The following SLK variants were observed in gnomAD, a reference collection of about 807,000 sequenced individuals.
SLK encodes STE20-like serine/threonine-protein kinase.
SLK carries 67 observed loss-of-function variants against 147.7 expected under a neutral mutation model. That is an observed-to-expected ratio of 0.45 (90% CI 0.37 to 0.56). The LOEUF is 0.56. Among genes scored for constraint, SLK ranks in the 20% least tolerant of loss-of-function variants. The probability of loss-of-function intolerance (pLI) is 0.00; values close to 1 mark genes in which losing one functional copy is unlikely to be tolerated. For missense variants in SLK, 1,136 were observed against 1,438.8 expected, an observed-to-expected ratio of 0.79 and a Z score of 3.41; for synonymous variants, 441 against 475.0, an observed-to-expected ratio of 0.93 and a Z score of 0.93.
intron 11 of SLK, 58 bp from the exon 12 acceptor site, chr10:104,008,119 A>C (rs756492397): frequency 6.2e-6 from 8 of 1,287,288 alleles, no homozygotes; most frequent in Non-Finnish European, 8.8e-6. Context: ...CATCTTTACT[A>C]TAAGGTATTA....
In SLK at chr10:104,002,651, T is replaced by G; in HGVS notation, c.1473T>G (p.Ile491Met). Residue 491 changes from isoleucine (I) to methionine (M), a missense_variant, in exon 9 of 19, where the codon ATT becomes ATG. Coordinates refer to ENST00000369755, the MANE Select transcript of SLK (RefSeq NM_014720.4). ...ATAAGCTTATAAAATCTGAAGAAAT[T>G]AAAGATACTATTTTGCAAACAGTAG... Reference protein sequence around the residue: ...FENKLIKSEEIKDTILQTVDL... With the variant: ...FENKLIKSEEMKDTILQTVDL... 6.2e-7 allele frequency: 1 copy of G among 1,608,908 alleles called. No individual in the cohort carries two copies. Among genetic ancestry groups the G allele is most frequent in the Non-Finnish European group, 8.5e-7 (1 of 1,178,288 alleles).
intron 1 of SLK, among the ~76,000 whole-genome samples, chr10:103,968,295 G>C (rs1843745628): frequency 6.6e-6 from 1 of 152,172 alleles, no homozygotes; most frequent in Non-Finnish European, 1.5e-5. Flanking sequence ...CAACAGTTCT[G>C]TTTTTAGGGT....
At chr10:104,019,454 T>G (rs1844506135) in intron 15 of SLK, among the ~76,000 whole-genome samples, 1 of 152,052 alleles carries the variant, frequency 6.6e-6, no homozygotes. Context: ...ATTTTGTGTG[T>G]GGAGACAGGG....
At chr10:104,010,739 T>C (rs1022370804) in intron 12 of SLK, 77 bp from the exon 13 acceptor site, 10 of 864,628 alleles carry the variant, frequency 1.2e-5, no homozygotes, top group African/African-American at 6.9e-5. Context: ...ATTTGACTTG[T>C]AGCTTATCTG....
intron 1 of SLK, among the ~76,000 whole-genome samples, chr10:103,985,127 A>G (rs1209353440): frequency 3.3e-5 from 5 of 152,126 alleles, no homozygotes; most frequent in South Asian, 4.1e-4. Context: ...TTTTATTATT[A>G]TTGTTGTTAG....
chr10:104,027,553 T>C lies in SLK; in HGVS notation c.*1833T>C, dbSNP rs1421946297. 6.6e-6 allele frequency: 1 copy of C among 152,608 alleles called. No homozygotes were observed. The highest frequency in any genetic ancestry group is 2.4e-5 in the African/African-American group (1 of 41,428). The allele number at this position is 152,608 out of a possible 1,614,324, so 9.5% of individuals were successfully genotyped here. On this transcript the variant is annotated 3_prime_UTR_variant, in exon 19 of 19. Coordinates refer to ENST00000369755, the MANE Select transcript of SLK (RefSeq NM_014720.4). The stretch of plus-strand genomic sequence containing the variant: ...TCAGGATGATGATAAAAATTGTTTA[T>C]ATTGTTATGATAAAAATGACAGTAT...
Position 104,028,874 on chromosome 10 carries a change from C to G in SLK, c.*3154C>G, listed in dbSNP as rs1431296507. Reference sequence around the variant, plus strand: ...AGAAGAGAGTTCCAGTTCTAATAGTCTTTTGATTAACAATTCTTTTCTGAG... The same window carrying G: ...AGAAGAGAGTTCCAGTTCTAATAGTGTTTTGATTAACAATTCTTTTCTGAG... On this transcript the variant is annotated 3_prime_UTR_variant, in exon 19 of 19. Transcript: ENST00000369755. 6.6e-6 allele frequency: 1 copy of G among 152,158 alleles called. No individual in the cohort carries two copies. Among genetic ancestry groups the G allele is most frequent in the Non-Finnish European group, 1.5e-5 (1 of 68,034 alleles). 9.4% of individuals were successfully genotyped at this position (152,158 alleles called of 1,614,324 possible).
chr10:103,982,035 A>T (rs757606804), intron 1 of SLK, among the ~76,000 whole-genome samples: 1 of 152,064 alleles, frequency 6.6e-6, no homozygotes, highest in Non-Finnish European at 1.5e-5. Flanking sequence ...CAAGTCTTTC[A>T]TCTCCTTGGT....
At chr10:103,976,080 T>A (rs1378348360) in intron 1 of SLK, among the ~76,000 whole-genome samples, 2 of 152,196 alleles carry the variant, frequency 1.3e-5, no homozygotes, top group African/African-American at 4.8e-5. Context: ...TTTTTATATT[T>A]TTTGTAGAGA....
In SLK at chr10:104,003,537, C is replaced by A. The variant is rs1318183119; in HGVS notation, c.2349+10C>A. ...ATCGATATCTTTACAAGTAAGTGTA[C>A]ATGAGTCATTGTTTGGGTTTTCCTT... On this transcript the variant is annotated intron_variant, in intron 9 of 18. Coordinates refer to ENST00000369755, the MANE Select transcript of SLK (RefSeq NM_014720.4). 2 of 1,526,894 alleles carry A rather than the reference C, an allele frequency of 1.3e-6. No homozygotes were observed. Among genetic ancestry groups the A allele is most frequent in the Non-Finnish European group, 1.8e-6 (2 of 1,139,804 alleles). The allele number at this position is 1,526,894 out of a possible 1,614,324, so 94.6% of individuals were successfully genotyped here.
rs577233143 is a variant in SLK at position 104,027,946 on chromosome 10, G to A, written c.*2226G>A. On this transcript the variant is annotated 3_prime_UTR_variant, in exon 19 of 19. Transcript: ENST00000369755. ...TTCGCTTTCAAATATGACCATAATC[G>A]TGTGGGTGCAAGACTGTACAGTGAT... is the stretch of plus-strand genomic sequence containing the variant. 7 of 152,212 alleles carry A rather than the reference G, an allele frequency of 4.6e-5. No homozygotes were observed. Among genetic ancestry groups the A allele is most frequent in the African/African-American group, 1.4e-4 (6 of 41,508 alleles). 9.4% of individuals were successfully genotyped at this position (152,212 alleles called of 1,614,324 possible).
At chr10:104,010,750 C>T in intron 12 of SLK, 66 bp from the exon 13 acceptor site, 1 of 995,708 alleles carries the variant, frequency 1.0e-6, no homozygotes, top group Non-Finnish European at 1.4e-6. Flanking sequence ...AGCTTATCTG[C>T]TCTCATAAAT....
At chr10:104,013,986 A>G (rs746399265) in intron 13 of SLK, among the ~76,000 whole-genome samples, 6 of 152,198 alleles carry the variant, frequency 3.9e-5, no homozygotes, top group African/African-American at 7.2e-5. Flanking sequence ...CTCAAGTCAC[A>G]TAAGAGATTA....
chr10:103,997,348 A>G (rs953223671), intron 4 of SLK, among the ~76,000 whole-genome samples: 37 of 152,110 alleles, frequency 2.4e-4, no homozygotes, highest in African/African-American at 8.9e-4. Context: ...GGTTGCTTTC[A>G]CTTTTTGGCT....
rs1385863529 is a variant in SLK at position 103,967,783 on chromosome 10, G to C, written c.38G>C (p.Gly13Ala). Residue 13 changes from glycine (G) to alanine (A), a missense_variant, in exon 1 of 19, where the codon GGG (glycine) becomes GCG (alanine). Gly to Ala is a moderately conservative substitution (Grantham distance 60, BLOSUM62 0). Around this residue, in one of 6 missense-constraint regions of SLK, gnomAD observed 126 missense variants for 141.3 expected, o/e 0.89. Coordinates refer to ENST00000369755, the MANE Select transcript of SLK (RefSeq NM_014720.4). Reference sequence around the variant, plus strand: ...AATTTCCGTAAGATCTTCAAGTTGGGGAGCGAGAAGAAGAAGAAGCAGTAC... The same window carrying C: ...AATTTCCGTAAGATCTTCAAGTTGGCGAGCGAGAAGAAGAAGAAGCAGTAC... ...FFNFRKIFKL[G>A]SEKKKKQYEH... 2 of 1,613,978 alleles carry C rather than the reference G, an allele frequency of 1.2e-6. No homozygotes were observed. Among genetic ancestry groups the C allele is most frequent in the Non-Finnish European group, 8.5e-7 (1 of 1,179,954 alleles).
chr10:104,027,105 T>TA lies in SLK; in HGVS notation c.*1385_*1386insA, dbSNP rs1844608591. On this transcript the variant is annotated 3_prime_UTR_variant, in exon 19 of 19. Transcript: ENST00000369755. ...GGTACCAAATTGTGAAAGTTTGTTT[T>TA]CAGTTATATTACTTTTGAGGCTGGT... 6.6e-6 allele frequency: 1 copy of TA among 152,310 alleles called. No homozygotes were observed. The highest frequency in any genetic ancestry group is 2.4e-5 in the African/African-American group (1 of 41,474). 9.4% of individuals were successfully genotyped at this position (152,310 alleles called of 1,614,324 possible). A position where few individuals can be genotyped will look rare whatever the true frequency, so the allele number is the denominator to read the frequency against.
At chr10:104,014,450 A>G (rs1412770823) in intron 13 of SLK, among the ~76,000 whole-genome samples, 2 of 152,240 alleles carry the variant, frequency 1.3e-5, no homozygotes, top group Non-Finnish European at 2.9e-5. Flanking sequence ...AGGAGTAGAT[A>G]GAATACAGCT....
At chr10:103,997,568 C>T (rs1286214336) in intron 4 of SLK, among the ~76,000 whole-genome samples, 2 of 149,240 alleles carry the variant, frequency 1.3e-5, no homozygotes, top group East Asian at 3.9e-4. Context: ...CCAGTTTCTC[C>T]GCATGCTTGT....
At chr10:103,968,014 C>A in intron 1 of SLK, 119 bp downstream of exon 1, 1 of 1,039,356 alleles carries the variant, frequency 9.6e-7, no homozygotes, top group East Asian at 2.6e-5. Flanking sequence ...TGTTACGGTT[C>A]GATGCAACTT....
Sources: gnomAD v4.1 joint callset for allele counts (sites outside exome capture counted in the v4.1 genomes callset) on GRCh38, gnomAD v4.1.1 for gene constraint, gnomAD v4.1.1 regional missense constraint, MANE v1.5 for transcripts, NCBI Gene and HGNC (gene_info 2026-07-23, HGNC 2026-07-21) for gene names.